The following ZRANB1 variants were observed in gnomAD, a reference collection of about 807,000 sequenced individuals.
The protein encoded by ZRANB1 is ubiquitin thioesterase ZRANB1.
ZRANB1 carries 16 observed loss-of-function variants against 80.5 expected under a neutral mutation model. The observed-to-expected ratio is 0.20, with a 90% CI of 0.13 to 0.30. The LOEUF (loss-of-function observed/expected upper bound fraction) is 0.30. ZRANB1 is among the 10% of genes least tolerant of loss of function. ZRANB1 has a pLI of 1.00. For synonymous variants in ZRANB1, 291 were observed against 293.1 expected (o/e 0.99, Z 0.07); for missense variants, 576 against 862.6 (o/e 0.67, Z 4.16).
At chr10:124,937,858 GGTCCACAGGATGGGAACT>G (rs1333169167), upstream of ZRANB1, among the ~76,000 whole-genome samples, 2 of 152,178 alleles carry the variant, frequency 1.3e-5, no homozygotes, top group African/African-American at 4.8e-5. Flanking sequence ...TGGTCTCCTT[GGTCCACAGGATGGGAACT>G]GTTGGTATTG....
chr10:124,917,178 CGCT>C, the ZRANB1 span: 2 of 170,648 alleles, frequency 1.2e-5, no homozygotes, highest in East Asian at 1.7e-4. Flanking sequence ...GGGGAGTCGC[CGCT>C]GCCGCCGCCG....
At chr10:124,964,594 C>T (rs938600301) in intron 1 of ZRANB1, among the ~76,000 whole-genome samples, 7 of 152,304 alleles carry the variant, frequency 4.6e-5, no homozygotes, top group East Asian at 1.9e-4. Flanking sequence ...CATGCATACA[C>T]GTATATACAC....
Position 124,983,290 on chromosome 10 carries a change from A to G in ZRANB1, c.1664A>G (p.Tyr555Cys), listed in dbSNP as rs1263516619. 1 of 1,613,910 alleles carries G rather than the reference A, an allele frequency of 6.2e-7. No individual in the cohort carries two copies. The highest frequency in any genetic ancestry group is 8.5e-7 in the Non-Finnish European group (1 of 1,179,958). Residue 555 changes from tyrosine (Y) to cysteine (C), a missense_variant, in exon 7 of 9, where the codon TAT (tyrosine) becomes TGT (cysteine). Tyr to Cys is a radical substitution (Grantham distance 194, BLOSUM62 -2). This residue lies in a region of ZRANB1 where 152 missense variants were observed against 221.9 expected (regional missense o/e 0.69). Transcript: ENST00000359653. This position sits in a 1 kb window ranked among gnomAD's most constrained non-coding sequence, Gnocchi z 6.2. ...YKSFRGETLGYTRFQGVYLPL... is the reference protein window; with the variant it reads ...YKSFRGETLGCTRFQGVYLPL... ...AGTTTCCGGGGAGAAACTTTAGGAT[A>G]TACTCGGTTTCAAGGTAAGCCATTA...
upstream of ZRANB1, chr10:124,940,364 T>C (rs1487665094): frequency 1.0e-5 from 4 of 394,054 alleles, no homozygotes; most frequent in Non-Finnish European, 1.7e-5. Context: ...AGTTTTGGTC[T>C]CCTTTACAGG....
chr10:124,936,954 T>TTTG, the ZRANB1 span, among the ~76,000 whole-genome samples: 39 of 152,086 alleles, frequency 2.6e-4, no homozygotes, highest in African/African-American at 8.7e-4. Context: ...AAGGCTGCTT[T>TTTG]TTGTTGTTGT....
the ZRANB1 span, among the ~76,000 whole-genome samples, chr10:124,926,690 T>G: frequency 6.6e-6 from 1 of 152,110 alleles, no homozygotes; most frequent in Non-Finnish European, 1.5e-5. Flanking sequence ...GTAAACAAAC[T>G]GGTAACATAC....
At chr10:124,939,408 G>A (rs1951515706), upstream of ZRANB1, among the ~76,000 whole-genome samples, 1 of 151,998 alleles carries the variant, frequency 6.6e-6, no homozygotes, top group Admixed American at 6.6e-5. Flanking sequence ...TTCAGAGGTT[G>A]GTGGGCTAAT....
intron 8 of ZRANB1, 134 bp from the exon 9 acceptor site, chr10:124,984,640 A>C (rs900966428): frequency 1.0e-4 from 91 of 870,378 alleles, no homozygotes; most frequent in Non-Finnish European, 1.6e-4. Context: ...CCAAGAGGTC[A>C]AAACCATGTG....
chr10:124,940,147 G>A (rs73373122), upstream of ZRANB1, among the ~76,000 whole-genome samples: 1,033 of 152,192 alleles, frequency 6.8e-3, 5 homozygotes, highest in African/African-American at 0.022. Context: ...CACAGCACAG[G>A]GTTAAGGTTA....
At chr10:124,959,815 C>T (rs1263820146) in intron 1 of ZRANB1, among the ~76,000 whole-genome samples, 1 of 152,138 alleles carries the variant, frequency 6.6e-6, no homozygotes, top group African/African-American at 2.4e-5. Context: ...TTTAAGAAGA[C>T]CACACTCACC....
rs1269028349 is a variant in ZRANB1, at chr10:124,942,409, G to A, written c.-85G>A. On this transcript the variant is annotated 5_prime_UTR_variant, in exon 1 of 9. Coordinates refer to ENST00000359653, the MANE Select transcript of ZRANB1 (RefSeq NM_017580.3). ...CTTGCTTTTTGGGCAGCGTATTTTT[G>A]GAGGTGGAATGTAGTTATTTTAATA... 2.6e-6 allele frequency: 4 copies of A among 1,555,518 alleles called. No individual in the cohort carries two copies. In the South Asian group the frequency reaches 4.8e-5, roughly 19 times the overall value.
chr10:124,963,002 A>C (rs1951745991), intron 1 of ZRANB1, among the ~76,000 whole-genome samples: 1 of 152,230 alleles, frequency 6.6e-6, no homozygotes, highest in Non-Finnish European at 1.5e-5. Flanking sequence ...GTGGTGGCTC[A>C]CGCCTGTAAT....
At chr10:124,937,485 C>T (rs770305060), upstream of ZRANB1, among the ~76,000 whole-genome samples, 16 of 152,040 alleles carry the variant, frequency 1.1e-4, no homozygotes, top group Non-Finnish European at 2.1e-4. Context: ...TGCGCCCCAC[C>T]GAGAATTATT....
intron 1 of ZRANB1, among the ~76,000 whole-genome samples, chr10:124,966,290 C>T (rs1437254296): frequency 6.6e-6 from 1 of 151,904 alleles, no homozygotes; most frequent in Non-Finnish European, 1.5e-5. Flanking sequence ...CGTCTGGTTT[C>T]TCATACTAGA....
intron 1 of ZRANB1, among the ~76,000 whole-genome samples, chr10:124,949,436 T>C (rs1000436484): frequency 2.7e-5 from 3 of 112,970 alleles, no homozygotes; most frequent in Admixed American, 8.7e-5. Context: ...TATATATATG[T>C]TTACACACAT....
At position 124,942,858 on chromosome 10, in the gene ZRANB1, C is replaced by T. The variant is rs1429870152; in HGVS notation, c.365C>T (p.Ser122Phe). The T allele has an allele frequency of 1.9e-6, 3 of 1,614,108 alleles. No homozygotes were observed. Among genetic ancestry groups the T allele is most frequent in the African/African-American group, 1.3e-5 (1 of 74,942 alleles). Residue 122 changes from serine to phenylalanine, a missense_variant, in exon 1 of 9, where the codon TCC becomes TTC. Physicochemically the swap from Ser to Phe is radical, Grantham distance 155. This residue lies in a region of ZRANB1 where 411 missense variants were observed against 583.1 expected (regional missense o/e 0.70). Coordinates refer to ENST00000359653, the MANE Select transcript of ZRANB1 (RefSeq NM_017580.3). ...AGGAGTCCTACAGAATCTCCTCAGT[C>T]CTCAGGATCTGGCTCAAGACCAGTT... is the stretch of plus-strand genomic sequence containing the variant. ...RTRSPTESPQ[S>F]SGSGSRPVAF... is the part of the protein sequence containing the mutation.
At chr10:124,938,283 TTAC>T (rs1485744885), upstream of ZRANB1, among the ~76,000 whole-genome samples, 1 of 152,188 alleles carries the variant, frequency 6.6e-6, no homozygotes, top group African/African-American at 2.4e-5. Context: ...TCAGTGCTGT[TTAC>T]TAATTACCAC....
chr10:124,923,283 C>G, the ZRANB1 span, among the ~76,000 whole-genome samples: 1 of 142,698 alleles, frequency 7.0e-6, no homozygotes, highest in Non-Finnish European at 1.5e-5. Context: ...GTCTCAAAAA[C>G]AAACAAACAA....
chr10:124,985,018 C>T lies in ZRANB1; in HGVS notation c.*26C>T, dbSNP rs370997540. ...AAAAAAAAATCAAACAGCAGAAGAC[C>T]AAGGCATCAGATCTGTAATGACCCT... On this transcript the variant is annotated 3_prime_UTR_variant, in exon 9 of 9. Coordinates refer to ENST00000359653, the MANE Select transcript of ZRANB1 (RefSeq NM_017580.3). 3.7e-5 allele frequency: 57 copies of T among 1,545,086 alleles called. 1 individual carries two copies. The African/African-American group carries it at 5.2e-4, about 14-fold the overall frequency.
Sources: allele counts gnomAD v4.1 joint callset (sites outside exome capture counted in the v4.1 genomes callset), GRCh38; gene constraint gnomAD v4.1.1; regional missense constraint gnomAD v4.1.1; non-coding constraint Gnocchi (gnomAD v3.1); transcripts MANE v1.5; gene names NCBI Gene and HGNC (gene_info 2026-07-23, HGNC 2026-07-21).